PTN: variants seen among roughly 807,000 people sequenced by gnomAD.
PTN encodes the protein heparin affin regulatory protein.
In PTN, 18 loss-of-function variants were observed where a neutral mutation model predicts 24.1. That is an observed-to-expected ratio of 0.75 (90% confidence interval 0.52 to 1.11). PTN has a LOEUF of 1.11. Ranked by LOEUF, PTN falls within the 50% of genes least tolerant of loss-of-function variation. PTN has a pLI of 0.00. For missense variants in PTN, 163 were observed against 198.8 expected (o/e 0.82, Z 1.08); for synonymous variants, 78 against 68.6 (o/e 1.14, Z -0.67).
At chr7:137,314,784 G>A (rs182137819) in intron 1 of PTN, among the ~76,000 whole-genome samples, 3 of 151,640 alleles carry the variant, frequency 2.0e-5, no homozygotes, top group South Asian at 2.1e-4. Context: ...TAGTATAGAC[G>A]GGCTTTCAAC....
At chr7:137,320,511 T>G (rs1421729954) in intron 1 of PTN, among the ~76,000 whole-genome samples, 1 of 152,192 alleles carries the variant, frequency 6.6e-6, no homozygotes, top group Non-Finnish European at 1.5e-5. Context: ...GCATTTATTA[T>G]AGAGATTTGG....
intron 1 of PTN, among the ~76,000 whole-genome samples, chr7:137,300,207 A>G (rs2128878378): frequency 6.6e-6 from 1 of 152,110 alleles, no homozygotes; most frequent in South Asian, 2.1e-4. Flanking sequence ...CATTTGACTC[A>G]GAATTTTGTG....
rs1033447475 is a variant in PTN at position 137,231,279 on chromosome 7, C to A, written c.452-3204G>T. Among the ~76,000 whole-genome samples, 5 of 151,972 alleles carry A rather than the reference C, an allele frequency of 3.3e-5. No homozygotes were observed. The South Asian group carries it at 6.2e-4, about 19-fold the overall frequency. ...CTCACCCATCTTCCTTATGACGGTT[C>A]TTTGACTTTTCTTTGCTTCTTTCCA... On this transcript the variant is annotated intron_variant, in intron 4 of 4. Coordinates refer to ENST00000348225, the MANE Select transcript of PTN (RefSeq NM_002825.7).
chr7:137,302,972 G>A (rs1277072357), intron 1 of PTN, among the ~76,000 whole-genome samples: 1 of 151,938 alleles, frequency 6.6e-6, no homozygotes, highest in African/African-American at 2.4e-5. Context: ...TGATGTTCGT[G>A]TTTATTCATT....
chr7:137,239,637 G>A (rs940695607), intron 4 of PTN, among the ~76,000 whole-genome samples: 8 of 151,920 alleles, frequency 5.3e-5, no homozygotes, highest in Non-Finnish European at 8.8e-5. Context: ...ACCTATGAGT[G>A]AGAATATGCG....
At chr7:137,334,629 G>C (rs970399347) in intron 1 of PTN, among the ~76,000 whole-genome samples, 3 of 120,464 alleles carry the variant, frequency 2.5e-5, no homozygotes, top group Non-Finnish European at 3.6e-5. Context: ...GTGGAAGTCA[G>C]TGTGGCGATT....
At chr7:137,277,617 TG>T (rs1382227839) in intron 1 of PTN, among the ~76,000 whole-genome samples, 4 of 152,176 alleles carry the variant, frequency 2.6e-5, no homozygotes, top group Non-Finnish European at 5.9e-5. Flanking sequence ...CCACCCAGGA[TG>T]GAGTGCAGTG....
At chr7:137,230,443 C>T (rs374242597) in intron 4 of PTN, among the ~76,000 whole-genome samples, 1 of 151,486 alleles carries the variant, frequency 6.6e-6, no homozygotes, top group Non-Finnish European at 1.5e-5. Flanking sequence ...GTCCGGACAC[C>T]CTGCAGAACT....
At chr7:137,266,234 C>T (rs2128873508) in intron 1 of PTN, among the ~76,000 whole-genome samples, 1 of 152,220 alleles carries the variant, frequency 6.6e-6, no homozygotes, top group East Asian at 1.9e-4. Flanking sequence ...TATGTTTACA[C>T]ACAGAATTTT....
At chr7:137,303,493 T>C (rs781190297) in intron 1 of PTN, among the ~76,000 whole-genome samples, 1 of 151,978 alleles carries the variant, frequency 6.6e-6, no homozygotes. Flanking sequence ...TATCCTAGCA[T>C]ATAAAAATGC....
chr7:137,243,960 C>T (rs1808678340), intron 4 of PTN, among the ~76,000 whole-genome samples: 1 of 152,178 alleles, frequency 6.6e-6, no homozygotes, highest in Non-Finnish European at 1.5e-5. Context: ...ATCTTTGGCC[C>T]TCCCGGAGAT....
At chr7:137,275,846 C>T (rs773961996) in intron 1 of PTN, among the ~76,000 whole-genome samples, 16 of 152,232 alleles carry the variant, frequency 1.1e-4, no homozygotes, top group Middle Eastern at 3.4e-3. Flanking sequence ...CATGATTCTA[C>T]CACATTTTGA....
At chr7:137,239,321 T>C (rs796364729) in intron 4 of PTN, among the ~76,000 whole-genome samples, 4 of 152,338 alleles carry the variant, frequency 2.6e-5, no homozygotes, top group African/African-American at 9.6e-5. Context: ...TTCAAGTCAG[T>C]ATTCTTCCTT....
At chr7:137,337,772 T>C (rs1270563818) in intron 1 of PTN, among the ~76,000 whole-genome samples, 1 of 152,114 alleles carries the variant, frequency 6.6e-6, no homozygotes, top group Admixed American at 6.6e-5. Context: ...AAGTTGAGAA[T>C]GGGAATGCTT....
chr7:137,233,723 C>T (rs1365140682), intron 4 of PTN, among the ~76,000 whole-genome samples: 1 of 151,736 alleles, frequency 6.6e-6, no homozygotes, highest in Non-Finnish European at 1.5e-5. Flanking sequence ...AAAAATAGAG[C>T]AGCCACAAGG....
chr7:137,320,563 GA>G (rs1215495191), intron 1 of PTN, among the ~76,000 whole-genome samples: 1 of 152,080 alleles, frequency 6.6e-6, no homozygotes, highest in Non-Finnish European at 1.5e-5. Context: ...ATTGTTGACA[GA>G]AATAAAAACG....
chr7:137,288,022 A>G (rs1488518962), intron 1 of PTN, among the ~76,000 whole-genome samples: 1 of 152,192 alleles, frequency 6.6e-6, no homozygotes, highest in African/African-American at 2.4e-5. Context: ...AACCTTGACT[A>G]CATCTTAGTG....
At chr7:137,247,218 A>G (rs1030084896) in intron 4 of PTN, among the ~76,000 whole-genome samples, 1 of 152,202 alleles carries the variant, frequency 6.6e-6, no homozygotes, top group African/African-American at 2.4e-5. Context: ...CTGTACCCCT[A>G]TGTTTGTTGC....
intron 1 of PTN, among the ~76,000 whole-genome samples, chr7:137,261,254 G>A (rs1809033177): frequency 6.6e-6 from 1 of 152,008 alleles, no homozygotes; most frequent in Admixed American, 6.6e-5. Flanking sequence ...TGGGCACTAG[G>A]GATGCTCAGC....
Sources: allele counts gnomAD v4.1 joint callset (sites outside exome capture counted in the v4.1 genomes callset), GRCh38; gene constraint gnomAD v4.1.1; transcripts MANE v1.5; gene names NCBI Gene and HGNC (gene_info 2026-07-23, HGNC 2026-07-21).